Variants in PDE11A observed in about 807,000 individuals in gnomAD.
PDE11A encodes dual 3',5'-cyclic-AMP and -GMP phosphodiesterase 11A.
Under a neutral mutation model 100.5 loss-of-function variants are expected in PDE11A, and 100 were observed. The ratio of observed to expected loss-of-function variants is 1.00; its 90% CI spans 0.85 to 1.18. PDE11A has a LOEUF of 1.18. Ranked by LOEUF, PDE11A falls within the 50% of genes most tolerant of loss-of-function variation. The pLI is 0.00. For synonymous variants in PDE11A, 381 were observed against 420.8 expected, an observed-to-expected ratio of 0.91 and a Z score of 1.16; for missense variants, 1,141 against 1,152.6, an observed-to-expected ratio of 0.99 and a Z score of 0.15.
intron 9 of PDE11A, among the ~76,000 whole-genome samples, chr2:177,785,582 G>A (rs1000417687): frequency 1.8e-4 from 28 of 152,194 alleles, no homozygotes; most frequent in African/African-American, 6.0e-4. Context: ...GTAGGGCGAG[G>A]CATTGCCTCA....
At position 177,957,535 on chromosome 2, in the gene PDE11A, C is replaced by G. The variant is rs73978662; in HGVS notation, c.1072-52348G>C. 6.8e-3 allele frequency among the ~76,000 whole-genome samples: 1,035 copies of G among 152,218 alleles called. 10 individuals carry two copies. Among genetic ancestry groups the G allele is most frequent in the African/African-American group, 0.024 (993 of 41,544 alleles). On this transcript the variant is annotated intron_variant, in intron 2 of 19. Coordinates refer to ENST00000286063, the MANE Select transcript of PDE11A (RefSeq NM_016953.4). ...TTTTGTCTGGAAAACAATTACACTT[C>G]AAACCCAGTTGTGAACCTGAAACCA...
At chr2:178,060,639 T>C (rs913019006) in intron 1 of PDE11A, among the ~76,000 whole-genome samples, 11 of 152,172 alleles carry the variant, frequency 7.2e-5, no homozygotes, top group African/African-American at 2.7e-4. Context: ...ATTCTGAAAA[T>C]GATGCACTCC....
At chr2:177,959,049 G>A (rs760416835) in intron 2 of PDE11A, among the ~76,000 whole-genome samples, 2 of 152,140 alleles carry the variant, frequency 1.3e-5, no homozygotes, top group Non-Finnish European at 2.9e-5. Context: ...GAATAACTAC[G>A]CTGCTATAAG....
intron 19 of PDE11A, among the ~76,000 whole-genome samples, chr2:177,661,867 G>C (rs1334139665): frequency 1.3e-5 from 2 of 152,176 alleles, no homozygotes; most frequent in African/African-American, 4.8e-5. Context: ...CATCAGAGGT[G>C]AAGTAGGGCA....
At chr2:177,765,214 G>A (rs917440383) in intron 10 of PDE11A, among the ~76,000 whole-genome samples, 1 of 152,162 alleles carries the variant, frequency 6.6e-6, no homozygotes, top group African/African-American at 2.4e-5. Context: ...AATAGGGGGA[G>A]AAAATCCCAA....
intron 1 of PDE11A, among the ~76,000 whole-genome samples, chr2:178,041,600 T>C (rs1433113424): frequency 6.6e-6 from 1 of 152,224 alleles, no homozygotes; most frequent in African/African-American, 2.4e-5. Context: ...TATTAACTTT[T>C]AACTAGATAA....
intron 2 of PDE11A, 120 bp downstream of exon 2, chr2:178,014,182 C>T (rs2086305561): frequency 1.3e-6 from 1 of 746,044 alleles, no homozygotes; most frequent in African/African-American, 1.8e-5. Context: ...TGAGAAAAAG[C>T]TCTTTGATCC....
intron 4 of PDE11A, among the ~76,000 whole-genome samples, chr2:177,877,426 A>C (rs2105698326): frequency 6.6e-6 from 1 of 152,180 alleles, no homozygotes; most frequent in Non-Finnish European, 1.5e-5. Context: ...TGGCTTCCCA[A>C]AGTGCTGAGA....
intron 2 of PDE11A, among the ~76,000 whole-genome samples, chr2:178,005,103 GTTGAGTCCCC>G (rs1438020799): frequency 2.6e-5 from 4 of 151,086 alleles, no homozygotes; most frequent in African/African-American, 9.8e-5. Context: ...CAGTAACTGA[GTTGAGTCCCC>G]TTTACTCCAG....
At chr2:177,717,087 G>A (rs1302190055) in intron 12 of PDE11A, among the ~76,000 whole-genome samples, 1 of 152,094 alleles carries the variant, frequency 6.6e-6, no homozygotes, top group Non-Finnish European at 1.5e-5. Context: ...CAAAGACTAT[G>A]GAGCCTATCT....
At chr2:178,096,276 G>A (rs2087489633) in intron 2 of PDE11A, among the ~76,000 whole-genome samples, 1 of 149,678 alleles carries the variant, frequency 6.7e-6, no homozygotes, top group Non-Finnish European at 1.5e-5. Flanking sequence ...CCATTCTCCC[G>A]CCTCAGCCTC....
rs2080639369 is a variant in PDE11A, at chr2:177,669,411, C to T, written c.2562+82G>A. The T allele has an allele frequency of 1.4e-5, 11 of 768,700 alleles. No individual in the cohort carries two copies. The East Asian group carries it at 2.0e-4, about 14-fold the overall frequency. The allele number at this position is 768,700 out of a possible 1,614,324, so 47.6% of individuals were successfully genotyped here. A position where few individuals can be genotyped will look rare whatever the true frequency, so the allele number is the denominator to read the frequency against. ...CCTTAAACCCATTTTCAGTCTTTCC[C>T]ATTTCCAACTTGTAATTTGGAGTTC... On this transcript the variant is annotated intron_variant, in intron 18 of 19. Coordinates refer to ENST00000286063, the MANE Select transcript of PDE11A (RefSeq NM_016953.4).
chr2:177,945,097 C>T (rs910126694), intron 2 of PDE11A, among the ~76,000 whole-genome samples: 27 of 150,812 alleles, frequency 1.8e-4, no homozygotes, highest in Non-Finnish European at 3.9e-4. Flanking sequence ...GCCGGGATTG[C>T]AGAGGGAGTC....
At chr2:177,993,609 G>A (rs140765950) in intron 2 of PDE11A, among the ~76,000 whole-genome samples, 94 of 152,114 alleles carry the variant, frequency 6.2e-4, no homozygotes, top group African/African-American at 2.2e-3. Context: ...CCTATTGATT[G>A]TTTATCTGTA....
At position 178,104,337 on chromosome 2, in the gene PDE11A, G is replaced by A. The variant is rs776533595; in HGVS notation, c.127C>T (p.Gln43Ter). The stretch of plus-strand genomic sequence containing the variant: ...GTTTGCCTCTGTATAAGAAAATCCT[G>A]GTGCTTTTCCTGTTTTTCAGCCAAA... Residue 43 changes from glutamine (Q) to a stop codon, truncating the protein, a stop_gained, in exon 2 of 21, where the codon CAG becomes TAG. Transcript: ENST00000358450. LOFTEE classifies it high-confidence loss of function. The A allele has an allele frequency of 1.2e-6, 2 of 1,614,008 alleles. No individual in the cohort carries two copies. The highest frequency in any genetic ancestry group is 1.3e-5 in the African/African-American group (1 of 75,032).
At position 177,898,520 on chromosome 2, in the gene PDE11A, G is replaced by A. The variant is rs568551947; in HGVS notation, c.1162-322C>T. On this transcript the variant is annotated intron_variant, in intron 3 of 19. Coordinates refer to ENST00000286063, the MANE Select transcript of PDE11A (RefSeq NM_016953.4). ...TATAGGGGTCACTTGAGAGGCAGGT[G>A]TAACCAAGGCAGCTATAACCCTTGT... Among the ~76,000 whole-genome samples, 3 of 152,296 alleles carry A rather than the reference G, an allele frequency of 2.0e-5. No individual in the cohort carries two copies. In the South Asian group the frequency reaches 6.2e-4, roughly 32 times the overall value.
chr2:177,829,615 T>TTG (rs1365988734), intron 6 of PDE11A, among the ~76,000 whole-genome samples: 1 of 151,196 alleles, frequency 6.6e-6, no homozygotes, highest in Non-Finnish European at 1.5e-5. Context: ...GGCTAATTTT[T>TTG]TTTTTTTTTT....
At chr2:177,736,821 C>T (rs2365889) in intron 10 of PDE11A, among the ~76,000 whole-genome samples, 104,491 of 152,064 alleles carry the variant, frequency 0.69, 38,232 homozygotes, top group East Asian at 0.86. Flanking sequence ...CATGGAAGAG[C>T]GGTAAGGACT....
intron 1 of PDE11A, among the ~76,000 whole-genome samples, chr2:178,107,318 G>A (rs2087631453): frequency 6.6e-6 from 1 of 151,338 alleles, no homozygotes; most frequent in East Asian, 1.9e-4. Flanking sequence ...GGAAGAATAT[G>A]AAAAGAATTC....
Sources: gnomAD v4.1 joint callset for allele counts (sites outside exome capture counted in the v4.1 genomes callset) on GRCh38, gnomAD v4.1.1 for gene constraint, MANE v1.5 for transcripts, NCBI Gene and HGNC (gene_info 2026-07-23, HGNC 2026-07-21) for gene names.